Variants in ATP11C observed in about 807,000 individuals in gnomAD.
ATP11C encodes the protein ATPase phospholipid transporting 11C (ATP11C blood group), also known as phospholipid-transporting ATPase IG.
ATP11C carries 36 observed loss-of-function variants against 97.4 expected under a neutral mutation model. The observed-to-expected ratio is 0.37, with a 90% CI of 0.28 to 0.49. ATP11C has a LOEUF of 0.49. Among genes scored for constraint, ATP11C ranks in the 20% least tolerant of loss-of-function variants. The pLI, the probability that ATP11C is intolerant of heterozygous loss-of-function variation, is 0.98. For missense variants in ATP11C, 730 were observed against 824.6 expected (o/e 0.89, Z 1.40); for synonymous variants, 275 against 290.9 (o/e 0.95, Z 0.56).
In ATP11C at chrX:139,798,820, A is replaced by T. The variant is rs2082858229; in HGVS notation, c.711-77T>A. On this transcript the variant is annotated intron_variant, in intron 8 of 29. Coordinates refer to ENST00000682941, the MANE Select transcript of ATP11C (RefSeq NM_001353812.2). ...CTCTGGGGACAGATTTTGCCCTGACACACACCTATCTCCAAGGGGTTCAGA... is the reference window on the plus strand; with the variant it reads ...CTCTGGGGACAGATTTTGCCCTGACTCACACCTATCTCCAAGGGGTTCAGA... The T allele has an allele frequency of 8.3e-6, 6 of 726,972 alleles. No homozygotes were observed. The Admixed American group carries it at 1.5e-4, about 18-fold the overall frequency. 59.9% of individuals were successfully genotyped at this position (726,972 alleles called of 1,213,427 possible).
chrX:139,875,228 G>A (rs1381723218), intron 1 of ATP11C, among the ~76,000 whole-genome samples: 1 of 110,587 alleles, frequency 9.0e-6, no homozygotes, highest in Non-Finnish European at 1.9e-5. Context: ...CTTTAGCCAA[G>A]AACAGTAAAA....
rs1569420045 is a variant in ATP11C, at chrX:139,734,187, A to G, written c.3289-2432T>C. On this transcript the variant is annotated intron_variant, in intron 28 of 29. Coordinates refer to ENST00000682941, the MANE Select transcript of ATP11C (RefSeq NM_001353812.2). The stretch of plus-strand genomic sequence containing the variant: ...CTGTGAACCCATGGTTGTATATGAC[A>G]CTGTAAGAATCATAATAGTAATCAT... 2.7e-5 allele frequency among the ~76,000 whole-genome samples: 3 copies of G among 111,804 alleles called. No individual in the cohort carries two copies. The Admixed American group carries it at 2.8e-4, about 11-fold the overall frequency.
intron 1 of ATP11C, among the ~76,000 whole-genome samples, chrX:139,853,147 A>G (rs1024069360): frequency 1.8e-5 from 2 of 110,777 alleles, no homozygotes; most frequent in Non-Finnish European, 3.8e-5. Context: ...CCTCACACAA[A>G]CCCCCCCTTT....
intron 22 of ATP11C, among the ~76,000 whole-genome samples, chrX:139,758,447 G>A (rs776582104): frequency 2.0e-4 from 22 of 111,368 alleles, no homozygotes; most frequent in African/African-American, 4.2e-4. Flanking sequence ...CCCCTCCCCC[G>A]AGGCTGCACA....
chrX:139,867,760 G>C (rs1263953064), intron 1 of ATP11C, among the ~76,000 whole-genome samples: 2 of 111,959 alleles, frequency 1.8e-5, no homozygotes, highest in East Asian at 5.6e-4. Flanking sequence ...AGATGGAATG[G>C]GGTGACTGAG....
intron 1 of ATP11C, among the ~76,000 whole-genome samples, chrX:139,913,456 C>G (rs1027447372): frequency 8.9e-6 from 1 of 111,805 alleles, no homozygotes; most frequent in African/African-American, 3.3e-5. Flanking sequence ...GGCCTCTGAG[C>G]CCAAGCTAAG....
In ATP11C at chrX:139,915,284, C is replaced by T. The variant is rs182625582; in HGVS notation, c.27+16732G>A. 3.4e-3 allele frequency among the ~76,000 whole-genome samples: 380 copies of T among 111,877 alleles called. 1 individual carries two copies. The highest frequency in any genetic ancestry group is 9.7e-3 in the African/African-American group (298 of 30,796). On this transcript the variant is annotated intron_variant, in intron 1 of 29. Coordinates refer to ENST00000682941, the MANE Select transcript of ATP11C (RefSeq NM_001353812.2). ...TGCAATAAACTCACAAAAATAATAA[C>T]ATTAAAAGTACTTGCACCTCGATAA... is the stretch of plus-strand genomic sequence containing the variant.
At chrX:139,760,054 CA>C (rs2082006650) in intron 22 of ATP11C, among the ~76,000 whole-genome samples, 1 of 111,508 alleles carries the variant, frequency 9.0e-6, no homozygotes, top group Non-Finnish European at 1.9e-5. Context: ...GTGCAAGGCC[CA>C]AAAGACCCTA....
chrX:139,934,552 CTTTTTTT>C (rs760781660), upstream of ATP11C, among the ~76,000 whole-genome samples: 1 of 93,721 alleles, frequency 1.1e-5, no homozygotes, highest in Admixed American at 1.2e-4. Context: ...CTAGCTTTAC[CTTTTTTT>C]TTTTTTTTTT....
chrX:139,898,891 A>G (rs2148098130), intron 1 of ATP11C, among the ~76,000 whole-genome samples: 1 of 111,718 alleles, frequency 9.0e-6, no homozygotes, highest in African/African-American at 3.2e-5. Flanking sequence ...GTAACTTAAC[A>G]GTGGAGGAAC....
At chrX:139,917,230 G>C (rs1334490845) in intron 1 of ATP11C, among the ~76,000 whole-genome samples, 2 of 111,605 alleles carry the variant, frequency 1.8e-5, no homozygotes, top group Non-Finnish European at 3.8e-5. Flanking sequence ...GCAACTCCTA[G>C]AAGAAAACAG....
intron 29 of ATP11C, among the ~76,000 whole-genome samples, chrX:139,729,460 A>T (rs2081299252): frequency 8.9e-6 from 1 of 112,020 alleles, no homozygotes; most frequent in African/African-American, 3.2e-5. Context: ...GCTTTGGAAG[A>T]TTATTGTGAA....
At chrX:139,792,995 A>T (rs1346854093) in intron 12 of ATP11C, among the ~76,000 whole-genome samples, 2 of 111,709 alleles carry the variant, frequency 1.8e-5, no homozygotes, top group Admixed American at 1.9e-4. Flanking sequence ...CAGACTTGTG[A>T]CTGGTGTCTA....
At chrX:139,796,186 A>G in intron 12 of ATP11C, 87 bp downstream of exon 12, 2 of 675,988 alleles carry the variant, frequency 3.0e-6, no homozygotes, top group Non-Finnish European at 4.1e-6. Flanking sequence ...CAAATGTGAC[A>G]TGGTCACATA....
At chrX:139,895,440 T>C (rs1023910288) in intron 1 of ATP11C, among the ~76,000 whole-genome samples, 1 of 110,947 alleles carries the variant, frequency 9.0e-6, no homozygotes, top group Non-Finnish European at 1.9e-5. Flanking sequence ...CCAGCTAATT[T>C]TGTATTTTTT....
At chrX:139,748,546 T>C (rs1304824289) in intron 24 of ATP11C, among the ~76,000 whole-genome samples, 1 of 111,852 alleles carries the variant, frequency 8.9e-6, no homozygotes, top group Non-Finnish European at 1.9e-5. Flanking sequence ...TGCATCTGGT[T>C]GTACCCTGTG....
intron 1 of ATP11C, among the ~76,000 whole-genome samples, chrX:139,909,108 A>C (rs745924402): frequency 9.0e-6 from 1 of 111,084 alleles, no homozygotes; most frequent in Non-Finnish European, 1.9e-5. Flanking sequence ...TTTAAACCAC[A>C]CTGCTTTTGG....
intron 1 of ATP11C, 63 bp downstream of exon 1, chrX:139,931,953 C>G (rs1201036972): frequency 9.0e-7 from 1 of 1,116,095 alleles, no homozygotes; most frequent in African/African-American, 1.8e-5. Flanking sequence ...TTGTGAGGGA[C>G]CCGGCGAAGG....
At chrX:139,802,192 C>T in intron 7 of ATP11C, 44 bp downstream of exon 7, 1 of 951,710 alleles carries the variant, frequency 1.1e-6, no homozygotes, top group South Asian at 1.9e-5. Context: ...CAAAGAGAAG[C>T]AGAGCCAACA....
Sources: allele counts gnomAD v4.1 joint callset (sites outside exome capture counted in the v4.1 genomes callset), GRCh38; gene constraint gnomAD v4.1.1; transcripts MANE v1.5; gene names NCBI Gene and HGNC (gene_info 2026-07-23, HGNC 2026-07-21).